The following CD1B variants were observed in gnomAD, a reference collection of about 807,000 sequenced individuals.
The protein encoded by CD1B is CD1b molecule.
In CD1B, 43 loss-of-function variants were observed where a neutral mutation model predicts 39.8. That is an observed-to-expected ratio of 1.08 (90% confidence interval 0.85 to 1.39). The LOEUF (loss-of-function observed/expected upper bound fraction) is 1.39, where lower values mean the gene tolerates loss of function less well. Ranked by LOEUF, CD1B falls within the 40% of genes most tolerant of loss-of-function variation. The probability of loss-of-function intolerance (pLI) is 0.00; values close to 1 mark genes in which losing one functional copy is unlikely to be tolerated. For missense variants in CD1B, 495 were observed against 403.8 expected, an observed-to-expected ratio of 1.23 and a Z score of -1.94; for synonymous variants, 192 against 152.5, an observed-to-expected ratio of 1.26 and a Z score of -1.91.
At chr1:158,323,739 A>G (rs1652264024), downstream of CD1B, among the ~76,000 whole-genome samples, 1 of 152,200 alleles carries the variant, frequency 6.6e-6, no homozygotes, top group Non-Finnish European at 1.5e-5. Flanking sequence ...TGTGAGTCTC[A>G]TGAGGGCTGT....
downstream of CD1B, among the ~76,000 whole-genome samples, chr1:158,324,064 G>C (rs144152705): frequency 2.6e-5 from 4 of 152,290 alleles, no homozygotes; most frequent in Non-Finnish European, 5.9e-5. Context: ...CAAATTACAG[G>C]GTAAGTTTCA....
At chr1:158,302,048 G>A in the CD1B span, among the ~76,000 whole-genome samples, 22 of 152,026 alleles carry the variant, frequency 1.4e-4, no homozygotes, top group Non-Finnish European at 2.2e-4. Context: ...GGGGGAAGTC[G>A]CAATTTTCAA....
the CD1B span, among the ~76,000 whole-genome samples, chr1:158,301,576 G>T: frequency 9.9e-5 from 15 of 152,194 alleles, no homozygotes; most frequent in African/African-American, 3.4e-4. Flanking sequence ...TGAAATTCTC[G>T]GTTGAAAATT....
the CD1B span, among the ~76,000 whole-genome samples, chr1:158,316,429 G>T: frequency 6.6e-6 from 1 of 151,608 alleles, no homozygotes; most frequent in Non-Finnish European, 1.5e-5. Flanking sequence ...ATTGTGAATG[G>T]GATTTCACTC....
At chr1:158,322,452 A>T in the CD1B span, among the ~76,000 whole-genome samples, 1 of 147,252 alleles carries the variant, frequency 6.8e-6, no homozygotes, top group Non-Finnish European at 1.5e-5. Context: ...TTTTCTCGTA[A>T]GATGCGGTTT....
the CD1B span, among the ~76,000 whole-genome samples, chr1:158,293,029 G>C: frequency 3.5e-4 from 54 of 152,226 alleles, no homozygotes; most frequent in African/African-American, 1.2e-3. Flanking sequence ...AGGGATACAT[G>C]GATACTAGAG....
chr1:158,311,575 C>A, the CD1B span, among the ~76,000 whole-genome samples: 1 of 152,020 alleles, frequency 6.6e-6, no homozygotes, highest in Admixed American at 6.6e-5. Flanking sequence ...AAATCTTTTC[C>A]CAGACCAACA....
chr1:158,316,807 C>T, the CD1B span, among the ~76,000 whole-genome samples: 370 of 151,868 alleles, frequency 2.4e-3, 1 homozygote, highest in Non-Finnish European at 4.1e-3. Context: ...TCATAGATAG[C>T]TCTTATTATT....
At chr1:158,322,328 C>T in the CD1B span, among the ~76,000 whole-genome samples, 18 of 152,216 alleles carry the variant, frequency 1.2e-4, no homozygotes, top group African/African-American at 4.1e-4. Context: ...CCTCTGCCTC[C>T]TAGGCTCAAG....
the CD1B span, among the ~76,000 whole-genome samples, chr1:158,304,608 A>G: frequency 6.6e-6 from 1 of 152,184 alleles, no homozygotes; most frequent in South Asian, 2.1e-4. Context: ...CCCAGCATGC[A>G]GCTGGAGATC....
At chr1:158,314,338 T>A in the CD1B span, among the ~76,000 whole-genome samples, 1 of 152,212 alleles carries the variant, frequency 6.6e-6, no homozygotes, top group African/African-American at 2.4e-5. Context: ...CTCCTCGGCC[T>A]CCCAAAGTGC....
the CD1B span, among the ~76,000 whole-genome samples, chr1:158,295,047 A>G: frequency 2.6e-5 from 4 of 152,164 alleles, no homozygotes; most frequent in Non-Finnish European, 1.5e-5. Flanking sequence ...ACCTGCAGAT[A>G]CAGAGAGATC....
chr1:158,287,294 C>T, the CD1B span, among the ~76,000 whole-genome samples: 1 of 152,088 alleles, frequency 6.6e-6, no homozygotes, highest in African/African-American at 2.4e-5. Flanking sequence ...CACACACACA[C>T]ACACACACAG....
the CD1B span, among the ~76,000 whole-genome samples, chr1:158,303,834 TATC>T: frequency 6.6e-6 from 1 of 152,202 alleles, no homozygotes; most frequent in African/African-American, 2.4e-5. Flanking sequence ...TTGTTAAAAT[TATC>T]ATATTGCTGA....
chr1:158,300,760 CTTT>C, the CD1B span, among the ~76,000 whole-genome samples: 3 of 134,614 alleles, frequency 2.2e-5, no homozygotes, highest in African/African-American at 2.9e-5. Flanking sequence ...CTCTCTCTCT[CTTT>C]TTTTTTTTTT....
At chr1:158,292,594 A>G in the CD1B span, 2 of 1,612,156 alleles carry the variant, frequency 1.2e-6, no homozygotes, top group Non-Finnish European at 1.7e-6. Flanking sequence ...TGCTCTCTGC[A>G]GTGAGGCCAG....
At chr1:158,300,760 CTTTTT>C in the CD1B span, among the ~76,000 whole-genome samples, 1 of 134,654 alleles carries the variant, frequency 7.4e-6, no homozygotes, top group Non-Finnish European at 1.6e-5. Flanking sequence ...CTCTCTCTCT[CTTTTT>C]TTTTTTTTTT....
chr1:158,291,492 C>A, the CD1B span: 1 of 1,261,892 alleles, frequency 7.9e-7, no homozygotes, highest in Non-Finnish European at 1.1e-6. Flanking sequence ...TTCCCATTAT[C>A]CCATCCCACC....
chr1:158,310,616 G>A, the CD1B span, among the ~76,000 whole-genome samples: 5 of 151,846 alleles, frequency 3.3e-5, no homozygotes, highest in Non-Finnish European at 5.9e-5. Flanking sequence ...AAATTAACAA[G>A]CAAAAAACCA....
Sources: gnomAD v4.1 joint callset for allele counts (sites outside exome capture counted in the v4.1 genomes callset) on GRCh38, gnomAD v4.1.1 for gene constraint, MANE v1.5 for transcripts, NCBI Gene and HGNC (gene_info 2026-07-23, HGNC 2026-07-21) for gene names.